The following SRPK2 variants were observed in gnomAD, a reference collection of about 807,000 sequenced individuals.
SRPK2 encodes SFRS protein kinase 2.
SRPK2 carries 21 observed loss-of-function variants against 90.8 expected under a neutral mutation model. That is an observed-to-expected ratio of 0.23 (90% CI 0.16 to 0.33). The LOEUF (loss-of-function observed/expected upper bound fraction) is 0.33, where lower values mean the gene tolerates loss of function less well. Ranked by LOEUF, SRPK2 falls within the 10% of genes least tolerant of loss-of-function variation. SRPK2 has a pLI of 1.00. For synonymous variants in SRPK2, 288 were observed against 311.1 expected (o/e 0.93, Z 0.78); for missense variants, 620 against 869.0 (o/e 0.71, Z 3.60).
chr7:105,118,770 A>G (rs143600820), intron 15 of SRPK2, among the ~76,000 whole-genome samples: 1 of 151,872 alleles, frequency 6.6e-6, no homozygotes, highest in East Asian at 1.9e-4. Context: ...AAAGAAAAAA[A>G]GTAGCTGGGC....
At chr7:105,195,917 G>C (rs780928433) in intron 3 of SRPK2, among the ~76,000 whole-genome samples, 1 of 152,192 alleles carries the variant, frequency 6.6e-6, no homozygotes, top group Non-Finnish European at 1.5e-5. Context: ...TAAGTAGCTG[G>C]CATTCTAGTG....
intron 2 of SRPK2, among the ~76,000 whole-genome samples, chr7:105,232,440 C>T (rs1585274230): frequency 8.5e-6 from 1 of 117,768 alleles, no homozygotes; most frequent in Non-Finnish European, 1.7e-5. Flanking sequence ...GCCTGGGCAA[C>T]AAGAGCGAAA....
intron 15 of SRPK2, among the ~76,000 whole-genome samples, chr7:105,124,279 T>C (rs1439522062): frequency 6.6e-6 from 1 of 152,180 alleles, no homozygotes; most frequent in Non-Finnish European, 1.5e-5. Context: ...CTGTCCCTCT[T>C]TCCTTCCTTC....
intron 9 of SRPK2, 53 bp from the exon 10 acceptor site, chr7:105,143,383 T>C (rs1014023562): frequency 1.0e-5 from 16 of 1,576,776 alleles, no homozygotes; most frequent in South Asian, 4.7e-5. Context: ...AGCACCACGA[T>C]AGTATAACGA....
chr7:105,301,542 G>A (rs1810558758), intron 2 of SRPK2: 3 of 1,549,046 alleles, frequency 1.9e-6, no homozygotes, highest in Non-Finnish European at 2.7e-6. Flanking sequence ...AGGACCAGGA[G>A]ATGGAACTAG....
intron 2 of SRPK2, among the ~76,000 whole-genome samples, chr7:105,299,172 A>G (rs1485806741): frequency 1.3e-5 from 2 of 152,218 alleles, no homozygotes; most frequent in Non-Finnish European, 2.9e-5. Context: ...CATGGCCTGC[A>G]TGGAGGTGGG....
At position 105,301,278 on chromosome 7, in the gene SRPK2, TA is replaced by T. The variant is rs552448973; in HGVS notation, c.71+87369del. Among the ~76,000 whole-genome samples the T allele has an allele frequency of 1.9e-3, 125 of 65,146 alleles. No homozygotes were observed. The East Asian group carries it at 0.038, about 20-fold the overall frequency. 42.7% of individuals were successfully genotyped at this position (65,146 alleles called of 152,430 possible). A position where few individuals can be genotyped will look rare whatever the true frequency, so the allele number is the denominator to read the frequency against. On this transcript the variant is annotated intron_variant, in intron 2 of 15. Coordinates refer to ENST00000393651, the MANE Select transcript of SRPK2 (RefSeq NM_182692.3). Reference sequence around the variant, plus strand: ...CTAACACGTGAAACCCCGTCTCTACTAAAAATACAAAAAAAAAAAAAAAAAG... The same window carrying T: ...CTAACACGTGAAACCCCGTCTCTACTAAAATACAAAAAAAAAAAAAAAAAG...
At chr7:105,256,716 A>G (rs1308907220) in intron 2 of SRPK2, among the ~76,000 whole-genome samples, 2 of 152,176 alleles carry the variant, frequency 1.3e-5, no homozygotes, top group Non-Finnish European at 2.9e-5. Flanking sequence ...AACTCGTAAA[A>G]AAAATCACAA....
chr7:105,287,266 A>T (rs1808249806), intron 2 of SRPK2, among the ~76,000 whole-genome samples: 2 of 119,672 alleles, frequency 1.7e-5, no homozygotes, highest in African/African-American at 3.1e-5. Context: ...GTCTAAAAAA[A>T]AAAAAAAAAA....
At chr7:105,354,763 T>C (rs1817599488) in intron 2 of SRPK2, among the ~76,000 whole-genome samples, 1 of 152,170 alleles carries the variant, frequency 6.6e-6, no homozygotes, top group African/African-American at 2.4e-5. Flanking sequence ...ACATGTACAA[T>C]TCACCCAATT....
intron 11 of SRPK2, among the ~76,000 whole-genome samples, chr7:105,137,603 G>C (rs932726777): frequency 6.6e-6 from 1 of 152,302 alleles, no homozygotes; most frequent in Admixed American, 6.5e-5. Flanking sequence ...CAGGGCCTTT[G>C]TCCTTCAGAT....
At chr7:105,309,820 T>C (rs1484745601) in intron 2 of SRPK2, among the ~76,000 whole-genome samples, 1 of 152,230 alleles carries the variant, frequency 6.6e-6, no homozygotes, top group Non-Finnish European at 1.5e-5. Flanking sequence ...TTATCCATTC[T>C]GCAGACAGAT....
At chr7:105,335,304 T>C (rs1039259185) in intron 2 of SRPK2, among the ~76,000 whole-genome samples, 7 of 152,208 alleles carry the variant, frequency 4.6e-5, no homozygotes, top group Non-Finnish European at 8.8e-5. Context: ...TGCATTATCA[T>C]TCAGATTTTA....
At chr7:105,165,962 G>A (rs984159953) in intron 6 of SRPK2, among the ~76,000 whole-genome samples, 4 of 151,968 alleles carry the variant, frequency 2.6e-5, no homozygotes, top group African/African-American at 4.8e-5. Flanking sequence ...CTCTGGATGC[G>A]CCACCTTTAA....
intron 2 of SRPK2, among the ~76,000 whole-genome samples, chr7:105,228,676 C>T (rs1052281550): frequency 5.3e-5 from 8 of 152,024 alleles, no homozygotes; most frequent in African/African-American, 1.9e-4. Flanking sequence ...ACCTAGGCAG[C>T]GCCACAAGCG....
At chr7:105,334,843 A>G (rs1814886706) in intron 2 of SRPK2, among the ~76,000 whole-genome samples, 1 of 150,470 alleles carries the variant, frequency 6.6e-6, no homozygotes, top group Non-Finnish European at 1.5e-5. Context: ...CCAAAAAAAA[A>G]AAAAACAAAA....
At chr7:105,198,728 G>A (rs753655157) in intron 3 of SRPK2, among the ~76,000 whole-genome samples, 1 of 152,166 alleles carries the variant, frequency 6.6e-6, no homozygotes, top group African/African-American at 2.4e-5. Flanking sequence ...ATCAGATACT[G>A]TGTCATGAAC....
intron 2 of SRPK2, chr7:105,244,730 A>G (rs1801348449): frequency 1.7e-6 from 2 of 1,156,702 alleles, no homozygotes; most frequent in Non-Finnish European, 2.6e-6. Flanking sequence ...GCCCAGGCAC[A>G]GCCGCCGCCG....
chr7:105,201,368 C>T (rs1795531758), intron 3 of SRPK2, among the ~76,000 whole-genome samples: 2 of 152,132 alleles, frequency 1.3e-5, no homozygotes, highest in Admixed American at 1.3e-4. Flanking sequence ...CTTTAATACT[C>T]TGTGAAGGTT....
Sources: gnomAD v4.1 joint callset for allele counts (sites outside exome capture counted in the v4.1 genomes callset) on GRCh38, gnomAD v4.1.1 for gene constraint, MANE v1.5 for transcripts, NCBI Gene and HGNC (gene_info 2026-07-23, HGNC 2026-07-21) for gene names.